SNRNP70: variants seen among roughly 807,000 people sequenced by gnomAD.
SNRNP70 encodes the protein U1 small nuclear ribonucleoprotein 70 kDa.
In SNRNP70, 8 loss-of-function variants were observed where a neutral mutation model predicts 50.5. The ratio of observed to expected loss-of-function variants is 0.16; its 90% confidence interval spans 0.09 to 0.29. The LOEUF (loss-of-function observed/expected upper bound fraction) is 0.29. SNRNP70 is among the 10% of genes least tolerant of loss of function. The pLI, the probability that SNRNP70 is intolerant of heterozygous loss-of-function variation, is 1.00. For synonymous variants in SNRNP70, 320 were observed against 252.9 expected, an observed-to-expected ratio of 1.27 and a Z score of -2.52; for missense variants, 529 against 663.5, an observed-to-expected ratio of 0.80 and a Z score of 2.23.
chr19:49,090,563 C>T, intron 4 of SNRNP70, 43 bp downstream of exon 4: 1 of 1,580,650 alleles, frequency 6.3e-7, no homozygotes, highest in Non-Finnish European at 8.7e-7. Context: ...TCTCCCAAAC[C>T]CTCTGTATTC....
intron 7 of SNRNP70, chr19:49,103,760 G>A (rs2040623618): frequency 6.6e-6 from 1 of 152,498 alleles, no homozygotes; most frequent in African/African-American, 2.4e-5. Context: ...CAGGGCCTCA[G>A]GCTTGCCTTC....
At chr19:49,101,670 A>C (rs1600286383) in intron 7 of SNRNP70, 199 bp downstream of exon 7, 23 of 543,052 alleles carry the variant, frequency 4.2e-5, no homozygotes, top group East Asian at 6.4e-5. Flanking sequence ...ATCCCCCACA[A>C]CGTGTGTGTG....
At chr19:49,085,740 G>T in intron 1 of SNRNP70, 104 bp downstream of exon 1, 2 of 433,364 alleles carry the variant, frequency 4.6e-6, no homozygotes, top group South Asian at 3.2e-5. Flanking sequence ...CCTTTCCCGC[G>T]TCCCCGCCAC....
intron 4 of SNRNP70, among the ~76,000 whole-genome samples, chr19:49,091,429 G>A (rs915421627): frequency 1.3e-5 from 2 of 151,920 alleles, no homozygotes; most frequent in African/African-American, 2.4e-5. Flanking sequence ...CTTTGATAAC[G>A]TTTAGATGCA....
intron 3 of SNRNP70, 33 bp from the exon 4 acceptor site, chr19:49,090,433 A>G (rs931403585): frequency 1.2e-6 from 2 of 1,613,870 alleles, no homozygotes; most frequent in Admixed American, 1.7e-5. Flanking sequence ...TTCTATCTGC[A>G]TTCACTTCTC....
rs199924936 is a variant in SNRNP70 at position 49,102,162 on chromosome 19, C to T, written c.475+691C>T. The T allele has an allele frequency of 3.5e-3, 4,511 of 1,289,412 alleles. 12 individuals carry two copies. Among genetic ancestry groups the T allele is most frequent in the Non-Finnish European group, 4.4e-3 (4,347 of 988,650 alleles). 79.9% of individuals were successfully genotyped at this position (1,289,412 alleles called of 1,614,324 possible). The stretch of plus-strand genomic sequence containing the variant: ...TGATGCTTACGCTCCCCTTACAACA[C>T]CTCAGTGTATGGTTGGTATAAGGGT... On this transcript the variant is annotated intron_variant, in intron 7 of 9. Coordinates refer to ENST00000598441, the MANE Select transcript of SNRNP70 (RefSeq NM_003089.6).
chr19:49,091,335 C>T (rs897605910), intron 4 of SNRNP70, among the ~76,000 whole-genome samples: 30 of 151,674 alleles, frequency 2.0e-4, no homozygotes, highest in African/African-American at 6.0e-4. Context: ...CGTCGGCTCA[C>T]TGCAACCCAG....
intron 4 of SNRNP70, among the ~76,000 whole-genome samples, chr19:49,092,698 C>T (rs1353646879): frequency 3.3e-5 from 5 of 152,136 alleles, no homozygotes; most frequent in Admixed American, 6.6e-5. Context: ...CATGAGCCAC[C>T]GCAGCCGGCC....
At chr19:49,106,136 G>C (rs2040665589) in intron 8 of SNRNP70, among the ~76,000 whole-genome samples, 1 of 152,196 alleles carries the variant, frequency 6.6e-6, no homozygotes. Flanking sequence ...CACGCTCTCA[G>C]CTGCTGAGCC....
At chr19:49,096,016 T>C (rs2040508454) in intron 4 of SNRNP70, among the ~76,000 whole-genome samples, 1 of 147,820 alleles carries the variant, frequency 6.8e-6, no homozygotes, top group African/African-American at 2.5e-5. Flanking sequence ...TTGAGAGACC[T>C]GGCCATAGAA....
chr19:49,094,070 A>G (rs933694470), intron 4 of SNRNP70, among the ~76,000 whole-genome samples: 2 of 152,166 alleles, frequency 1.3e-5, no homozygotes, highest in Admixed American at 6.6e-5. Flanking sequence ...AAAAGTTCCA[A>G]TTGAGGAATT....
intron 2 of SNRNP70, among the ~76,000 whole-genome samples, chr19:49,089,676 T>C (rs974361225): frequency 1.4e-5 from 2 of 143,454 alleles, no homozygotes; most frequent in Non-Finnish European, 3.1e-5. Flanking sequence ...TTTTTTTTTT[T>C]TTTTGAGACG....
intron 4 of SNRNP70, among the ~76,000 whole-genome samples, chr19:49,093,948 G>A (rs1470114213): frequency 3.3e-5 from 5 of 151,458 alleles, no homozygotes; most frequent in Admixed American, 6.6e-5. Flanking sequence ...GCTTGAACCC[G>A]GGAGGCGGAG....
Position 49,107,910 on chromosome 19 carries a change from G to T in SNRNP70, c.781G>T (p.Asp261Tyr). 6.5e-7 allele frequency: 1 copy of T among 1,548,316 alleles called. No individual in the cohort carries two copies. The highest frequency in any genetic ancestry group is 1.2e-5 in the South Asian group (1 of 84,060). Residue 261 changes from aspartate (D) to tyrosine (Y), a missense_variant, in exon 10 of 10, where the codon GAC becomes TAC. Transcript: ENST00000598441. This position sits in a 1 kb window ranked among gnomAD's most constrained non-coding sequence, Gnocchi z 6.0. ...ERERRRSRSR[D>Y]RRRRSRSRDK... ...AGAACGGCGACGCTCCCGCTCCCGGGACCGGCGGAGGCGCTCACGGAGTCG... is the reference window on the plus strand; with the variant it reads ...AGAACGGCGACGCTCCCGCTCCCGGTACCGGCGGAGGCGCTCACGGAGTCG...
intron 2 of SNRNP70, among the ~76,000 whole-genome samples, chr19:49,088,498 C>CGTT (rs766781588): frequency 1.2e-4 from 12 of 99,510 alleles, no homozygotes; most frequent in African/African-American, 4.8e-4. Flanking sequence ...CGCACCCGAC[C>CGTT]TTTTTTTTTT....
intron 7 of SNRNP70, chr19:49,101,766 TGGG>T: frequency 2.7e-6 from 1 of 367,978 alleles, no homozygotes; most frequent in South Asian, 2.3e-5. Flanking sequence ...CAGCTGGAGG[TGGG>T]GGGAGGGGTC....
intron 5 of SNRNP70, 59 bp downstream of exon 5, chr19:49,098,550 C>G: frequency 6.3e-7 from 1 of 1,598,388 alleles, no homozygotes; most frequent in Non-Finnish European, 8.6e-7. Context: ...GGGTCTGGCA[C>G]AAAGGTCAAA....
At chr19:49,085,743 C>T (rs1045282203) in intron 1 of SNRNP70, 107 bp downstream of exon 1, 3 of 436,080 alleles carry the variant, frequency 6.9e-6, no homozygotes, top group Non-Finnish European at 1.4e-5. Context: ...TTCCCGCGTC[C>T]CCGCCACAGG....
rs1023136281 is a variant in SNRNP70 at position 49,104,846 on chromosome 19, A to G, written c.577+111A>G. Reference sequence around the variant, plus strand: ...TGTCTCCTGCCGGCCCACCTCTCCCATCGCGTCCTCATCTCCGGCTTCTCT... The same window carrying G: ...TGTCTCCTGCCGGCCCACCTCTCCCGTCGCGTCCTCATCTCCGGCTTCTCT... On this transcript the variant is annotated intron_variant, in intron 8 of 9. Coordinates refer to ENST00000598441, the MANE Select transcript of SNRNP70 (RefSeq NM_003089.6). The surrounding 1 kb of genome is among the most constrained non-coding windows in gnomAD (Gnocchi z 5.4). 2 of 637,572 alleles carry G rather than the reference A, an allele frequency of 3.1e-6. No individual in the cohort carries two copies. Among genetic ancestry groups the G allele is most frequent in the African/African-American group, 1.9e-5 (1 of 53,548 alleles). The allele number at this position is 637,572 out of a possible 1,614,324, so 39.5% of individuals were successfully genotyped here. A position where few individuals can be genotyped will look rare whatever the true frequency, so the allele number is the denominator to read the frequency against.
Sources: gnomAD v4.1 joint callset for allele counts (sites outside exome capture counted in the v4.1 genomes callset) on GRCh38, gnomAD v4.1.1 for gene constraint, Gnocchi (gnomAD v3.1) non-coding constraint, MANE v1.5 for transcripts, NCBI Gene and HGNC (gene_info 2026-07-23, HGNC 2026-07-21) for gene names.